The following SYCP3 variants were observed in gnomAD, a reference collection of about 807,000 sequenced individuals.
SYCP3 encodes the protein synaptonemal complex protein 3.
A neutral mutation model predicts 38.5 loss-of-function variants in SYCP3; 29 were observed. The ratio of observed to expected loss-of-function variants is 0.75; its 90% confidence interval spans 0.56 to 1.03. The LOEUF (loss-of-function observed/expected upper bound fraction) is 1.03. Ranked by LOEUF, SYCP3 falls within the 50% of genes least tolerant of loss-of-function variation. The probability of loss-of-function intolerance (pLI) is 0.00; values close to 1 mark genes in which losing one functional copy is unlikely to be tolerated. For synonymous variants in SYCP3, 79 were observed against 80.3 expected, an observed-to-expected ratio of 0.98 and a Z score of 0.08; for missense variants, 242 against 270.7, an observed-to-expected ratio of 0.89 and a Z score of 0.74.
In SYCP3 at chr12:101,729,127, T is replaced by G; in HGVS notation, c.639A>C (p.Lys213Asn). 4 of 1,611,920 alleles carry G rather than the reference T, an allele frequency of 2.5e-6. No individual in the cohort carries two copies. Among genetic ancestry groups the G allele is most frequent in the Non-Finnish European group, 3.4e-6 (4 of 1,178,580 alleles). ...EFKKEMAMLQ[K>N]KIMMETQQQE... Reference sequence around the variant, plus strand: ...CACTTACAGTTTCCATCATAATTTTTTTTTGCAACATAGCCATTTCTTTTT... The same window carrying G: ...CACTTACAGTTTCCATCATAATTTTGTTTTGCAACATAGCCATTTCTTTTT... The change falls in exon 8 of 9, where the codon AAA becomes AAC. Residue 213 changes from lysine (K) to asparagine (N), a missense_variant. Lys to Asn is a moderately conservative substitution (Grantham distance 94, BLOSUM62 0). Transcript: ENST00000392924.
chr12:101,735,871 A>ATATATTTTTTTTTTTTTT, intron 4 of SYCP3, among the ~76,000 whole-genome samples: 2 of 74,788 alleles, frequency 2.7e-5, no homozygotes, highest in African/African-American at 1.3e-4. Flanking sequence ...ATATATATAT[A>ATATATTTTTTTTTTTTTT]TTTTTTTTTT....
Position 101,735,871 on chromosome 12 carries a change from A to AT in SYCP3, c.236-828dup, listed in dbSNP as rs201568592. 0.023 allele frequency among the ~76,000 whole-genome samples: 1,738 copies of AT among 74,772 alleles called. 276 individuals carry two copies. In the East Asian group the frequency reaches 0.32, roughly 14 times the overall value. 49.1% of individuals were successfully genotyped at this position (74,772 alleles called of 152,430 possible). On this transcript the variant is annotated intron_variant, in intron 4 of 8. Transcript: ENST00000392924. ...CAATTTTATATATATATATATATAT[A>AT]TTTTTTTTTTTTTAAAGACACGGGG...
chr12:101,738,790 A>G lies in SYCP3; in HGVS notation c.-18+561T>C, dbSNP rs370124103. 1.8e-4 allele frequency among the ~76,000 whole-genome samples: 28 copies of G among 152,340 alleles called. No individual in the cohort carries two copies. In the East Asian group the frequency reaches 4.8e-3, roughly 26 times the overall value. On this transcript the variant is annotated intron_variant, in intron 1 of 8. Transcript: ENST00000392924. ...GTGTCCACCCCGACTCCAAGCGCGCAGTGCTGGAGAGGTGGCCCCTGAGGC... is the reference window on the plus strand; with the variant it reads ...GTGTCCACCCCGACTCCAAGCGCGCGGTGCTGGAGAGGTGGCCCCTGAGGC...
At chr12:101,735,915 A>G (rs1213259904) in intron 4 of SYCP3, among the ~76,000 whole-genome samples, 2 of 130,054 alleles carry the variant, frequency 1.5e-5, no homozygotes, top group Admixed American at 7.9e-5. Flanking sequence ...ATGTTGACCA[A>G]GCTGGTCTTG....
chr12:101,729,274 T>C (rs1952078938), intron 7 of SYCP3, 61 bp from the exon 8 acceptor site: 1 of 1,485,038 alleles, frequency 6.7e-7, no homozygotes, highest in Non-Finnish European at 9.2e-7. Context: ...GGTTCTAAAC[T>C]TGTACAATTA....
chr12:101,729,121 A>C lies in SYCP3; in HGVS notation c.645T>G (p.Ile215Met). Residue 215 changes from isoleucine to methionine, a missense_variant, in exon 8 of 9, where the codon ATT becomes ATG. Physicochemically the swap from Ile to Met is conservative, Grantham distance 10. Transcript: ENST00000392924. ...KKEMAMLQKK[I>M]MMETQQQEIA... is the part of the protein sequence containing the mutation. ...TATGATCACTTACAGTTTCCATCAT[A>C]ATTTTTTTTTGCAACATAGCCATTT... 6.2e-7 allele frequency: 1 copy of C among 1,610,696 alleles called. No homozygotes were observed. The highest frequency in any genetic ancestry group is 8.5e-7 in the Non-Finnish European group (1 of 1,177,530).
At chr12:101,734,171 T>TA (rs1213545323) in intron 5 of SYCP3, among the ~76,000 whole-genome samples, 1 of 152,250 alleles carries the variant, frequency 6.6e-6, no homozygotes, top group African/African-American at 2.4e-5. Flanking sequence ...AAGATTGGTG[T>TA]TCTTCTACAT....
chr12:101,735,653 C>A (rs192201462), intron 4 of SYCP3, among the ~76,000 whole-genome samples: 2 of 151,190 alleles, frequency 1.3e-5, no homozygotes, highest in East Asian at 3.9e-4. Flanking sequence ...GAGTGAGACT[C>A]CGTCTCAAAA....
intron 4 of SYCP3, among the ~76,000 whole-genome samples, chr12:101,735,871 A>ATATATATATATATATATATATATATTTTT: frequency 1.1e-3 from 83 of 74,622 alleles, no homozygotes; most frequent in African/African-American, 1.3e-3. Flanking sequence ...ATATATATAT[A>ATATATATATATATATATATATATATTTTT]TTTTTTTTTT....
intron 4 of SYCP3, among the ~76,000 whole-genome samples, chr12:101,735,871 A>ATATATATATATTT: frequency 1.3e-5 from 1 of 74,780 alleles, no homozygotes; most frequent in African/African-American, 6.3e-5. Context: ...ATATATATAT[A>ATATATATATATTT]TTTTTTTTTT....
chr12:101,729,360 A>C (rs1442580837), intron 7 of SYCP3, 147 bp from the exon 8 acceptor site: 2 of 757,722 alleles, frequency 2.6e-6, no homozygotes, highest in African/African-American at 3.6e-5. Flanking sequence ...TAATACATGA[A>C]TACCAAAATA....
intron 5 of SYCP3, among the ~76,000 whole-genome samples, chr12:101,734,088 A>G (rs1952299641): frequency 6.6e-6 from 1 of 152,104 alleles, no homozygotes; most frequent in Non-Finnish European, 1.5e-5. Flanking sequence ...TTTTTTCCCT[A>G]TTTTGGCTTA....
intron 4 of SYCP3, among the ~76,000 whole-genome samples, chr12:101,735,456 A>G (rs1463116475): frequency 6.6e-6 from 1 of 152,056 alleles, no homozygotes; most frequent in African/African-American, 2.4e-5. Flanking sequence ...AGGTCAAAAG[A>G]TCGAGACCAT....
intron 1 of SYCP3, 94 bp from the exon 2 acceptor site, chr12:101,738,046 G>T: frequency 7.1e-7 from 1 of 1,415,900 alleles, no homozygotes; most frequent in Non-Finnish European, 9.8e-7. Context: ...TATCGAACAA[G>T]GATTGTTGAA....
intron 1 of SYCP3, among the ~76,000 whole-genome samples, 161 bp from the exon 2 acceptor site, chr12:101,738,113 A>G (rs1952532157): frequency 6.6e-6 from 1 of 152,196 alleles, no homozygotes; most frequent in Non-Finnish European, 1.5e-5. Context: ...GAAGATAATG[A>G]CATTTGTTAA....
intron 4 of SYCP3, among the ~76,000 whole-genome samples, chr12:101,735,871 A>ATT (rs201568592): frequency 0.021 from 1,583 of 74,800 alleles, 131 homozygotes; most frequent in Middle Eastern, 0.063. Flanking sequence ...ATATATATAT[A>ATT]TTTTTTTTTT....
chr12:101,739,061 G>T (rs1952599995), intron 1 of SYCP3, among the ~76,000 whole-genome samples: 1 of 152,222 alleles, frequency 6.6e-6, no homozygotes. Context: ...AGGCGCCCTC[G>T]GCGTGGAGCG....
chr12:101,733,427 G>A (rs755416259), intron 6 of SYCP3, 148 bp downstream of exon 6: 67 of 689,006 alleles, frequency 9.7e-5, no homozygotes, highest in South Asian at 3.1e-4. Context: ...GTGCCTATAC[G>A]TCTGTGGTTT....
intron 6 of SYCP3, chr12:101,732,563 A>C (rs1177627556): frequency 6.6e-6 from 1 of 152,124 alleles, no homozygotes; most frequent in Non-Finnish European, 1.5e-5. Flanking sequence ...ACATCCTTCC[A>C]CATACTTTAA....
Sources: gnomAD v4.1 joint callset for allele counts (sites outside exome capture counted in the v4.1 genomes callset) on GRCh38, gnomAD v4.1.1 for gene constraint, MANE v1.5 for transcripts, NCBI Gene and HGNC (gene_info 2026-07-23, HGNC 2026-07-21) for gene names.